Variants in IGSF11 observed in about 807,000 individuals in gnomAD.
The protein encoded by IGSF11 is immunoglobulin superfamily member 11.
A neutral mutation model predicts 41.0 loss-of-function variants in IGSF11; 22 were observed. That is an observed-to-expected ratio of 0.54 (90% CI 0.38 to 0.77). IGSF11 has a LOEUF of 0.77. IGSF11 is among the 30% of genes least tolerant of loss of function. IGSF11 has a pLI of 0.00. For missense variants in IGSF11, 444 were observed against 530.8 expected (o/e 0.84, Z 1.61); for synonymous variants, 219 against 201.3 (o/e 1.09, Z -0.74).
At chr3:119,106,368 C>A (rs912696564), upstream of IGSF11, among the ~76,000 whole-genome samples, 1 of 152,138 alleles carries the variant, frequency 6.6e-6, no homozygotes, top group Non-Finnish European at 1.5e-5. Context: ...TTCCCACTAC[C>A]CTTCCCAGCC....
At chr3:118,959,659 G>C (rs955176263) in intron 1 of IGSF11, among the ~76,000 whole-genome samples, 4 of 152,166 alleles carry the variant, frequency 2.6e-5, no homozygotes, top group African/African-American at 9.7e-5. Flanking sequence ...TAAATTTTTA[G>C]GGGAGCATGG....
At chr3:119,141,042 TAA>T (rs35323898) in intron 1 of IGSF11, among the ~76,000 whole-genome samples, 17 of 99,776 alleles carry the variant, frequency 1.7e-4, no homozygotes, top group Admixed American at 9.8e-4. Context: ...TCTGTCTCAT[TAA>T]AAAAAAAAAA....
chr3:118,912,496 C>T lies in IGSF11; in HGVS notation c.581-6778G>A, dbSNP rs1171377701. ...ATCATCTCACTCACCAGTACAGGGCCCAGCCGCCCGACCACACTCACTGTA... is the reference window on the plus strand; with the variant it reads ...ATCATCTCACTCACCAGTACAGGGCTCAGCCGCCCGACCACACTCACTGTA... On this transcript the variant is annotated intron_variant, in intron 4 of 6. Transcript: ENST00000393775. 2.6e-5 allele frequency among the ~76,000 whole-genome samples: 4 copies of T among 152,142 alleles called. No homozygotes were observed. In the South Asian group the frequency reaches 8.3e-4, roughly 32 times the overall value.
At chr3:119,104,962 C>T (rs2076997867) in intron 1 of IGSF11, among the ~76,000 whole-genome samples, 1 of 152,018 alleles carries the variant, frequency 6.6e-6, no homozygotes, top group African/African-American at 2.4e-5. Context: ...ATAGCAAGGG[C>T]TCAATAAATA....
At chr3:118,946,404 A>T (rs902091592) in intron 1 of IGSF11, among the ~76,000 whole-genome samples, 1 of 151,810 alleles carries the variant, frequency 6.6e-6, no homozygotes, top group African/African-American at 2.4e-5. Context: ...TATTTATAGC[A>T]CTTTACAACA....
chr3:119,078,964 C>G (rs2076546076), intron 1 of IGSF11, among the ~76,000 whole-genome samples: 1 of 152,028 alleles, frequency 6.6e-6, no homozygotes, highest in African/African-American at 2.4e-5. Context: ...GGCCAACACG[C>G]ACATGAAAAA....
chr3:119,020,751 TTAAC>T (rs1358927643), intron 1 of IGSF11, among the ~76,000 whole-genome samples: 1 of 152,246 alleles, frequency 6.6e-6, no homozygotes, highest in Non-Finnish European at 1.5e-5. Flanking sequence ...CACAAGTTTA[TTAAC>T]TATCTGGCTA....
chr3:118,992,261 G>C (rs966301654), intron 1 of IGSF11, among the ~76,000 whole-genome samples: 1 of 152,110 alleles, frequency 6.6e-6, no homozygotes, highest in Non-Finnish European at 1.5e-5. Context: ...AAAAACTCAC[G>C]TAGCAGACAT....
rs551689463 is a variant in IGSF11, at chr3:118,941,978, G to A, written c.53-11703C>T. On this transcript the variant is annotated intron_variant, in intron 1 of 6. Transcript: ENST00000393775. ...CCAGATGCTGGAGCTGGGACTGAGG[G>A]TTAAAGTTTGGCAGAGAATACTACA... Among the ~76,000 whole-genome samples the A allele has an allele frequency of 8.5e-5, 13 of 152,238 alleles. No individual in the cohort carries two copies. The South Asian group carries it at 2.7e-3, about 32-fold the overall frequency.
At chr3:118,960,978 T>C (rs547509545) in intron 1 of IGSF11, among the ~76,000 whole-genome samples, 142 of 152,370 alleles carry the variant, frequency 9.3e-4, no homozygotes, top group African/African-American at 3.2e-3. Flanking sequence ...ATTCATTTAT[T>C]TGAAATCTGA....
intron 1 of IGSF11, among the ~76,000 whole-genome samples, chr3:118,939,338 C>T (rs1047242921): frequency 7.3e-5 from 11 of 151,642 alleles, no homozygotes; most frequent in African/African-American, 1.9e-4. Flanking sequence ...CACTTTGGGA[C>T]GCCAAGGCAG....
intron 1 of IGSF11, among the ~76,000 whole-genome samples, chr3:119,075,359 G>A (rs1271753021): frequency 6.6e-6 from 1 of 152,032 alleles, no homozygotes; most frequent in Non-Finnish European, 1.5e-5. Context: ...CAGAAAAAAT[G>A]CTGGACCAGA....
chr3:119,035,210 C>T (rs189251778), upstream of IGSF11, among the ~76,000 whole-genome samples: 1,142 of 152,332 alleles, frequency 7.5e-3, 19 homozygotes, highest in African/African-American at 0.025. Context: ...TTTCCACAGC[C>T]TTCCTCTGAG....
At chr3:119,028,975 T>C (rs1940100461) in intron 1 of IGSF11, among the ~76,000 whole-genome samples, 1 of 152,050 alleles carries the variant, frequency 6.6e-6, no homozygotes, top group African/African-American at 2.4e-5. Flanking sequence ...AGGGTGTGCA[T>C]GGGACCACTC....
intron 1 of IGSF11, among the ~76,000 whole-genome samples, chr3:119,039,882 C>A (rs1389614687): frequency 1.3e-5 from 2 of 152,238 alleles, no homozygotes; most frequent in Non-Finnish European, 2.9e-5. Context: ...AGAGATCTAA[C>A]TTAACCTACT....
chr3:119,023,453 G>A (rs990536632), intron 1 of IGSF11, among the ~76,000 whole-genome samples: 24 of 152,092 alleles, frequency 1.6e-4, no homozygotes, highest in African/African-American at 5.8e-4. Context: ...AATTGACATA[G>A]TTCCTAAAGT....
chr3:118,960,680 G>A (rs1945281597), intron 1 of IGSF11, among the ~76,000 whole-genome samples: 1 of 152,156 alleles, frequency 6.6e-6, no homozygotes, highest in Non-Finnish European at 1.5e-5. Context: ...GATGAAGACT[G>A]TTGGTGTATA....
At chr3:119,120,779 A>G (rs2077322178) in intron 1 of IGSF11, among the ~76,000 whole-genome samples, 1 of 152,250 alleles carries the variant, frequency 6.6e-6, no homozygotes, top group Admixed American at 6.5e-5. Context: ...AGGAGACACC[A>G]TATTGAATGT....
upstream of IGSF11, among the ~76,000 whole-genome samples, chr3:119,037,879 T>A (rs1440270012): frequency 6.6e-6 from 1 of 152,212 alleles, no homozygotes; most frequent in Admixed American, 6.5e-5. Context: ...TTTTAATACC[T>A]CAGATCCCTC....
Sources: gnomAD v4.1 joint callset for allele counts (sites outside exome capture counted in the v4.1 genomes callset) on GRCh38, gnomAD v4.1.1 for gene constraint, MANE v1.5 for transcripts, NCBI Gene and HGNC (gene_info 2026-07-23, HGNC 2026-07-21) for gene names.